MECOM: variants seen among roughly 807,000 people sequenced by gnomAD.
MECOM encodes the protein histone-lysine N-methyltransferase MECOM.
A neutral mutation model predicts 116.3 loss-of-function variants in MECOM; 13 were observed. The ratio of observed to expected loss-of-function variants is 0.11; its 90% CI spans 0.07 to 0.18. The LOEUF is 0.18. MECOM is among the 10% of genes least tolerant of loss of function. MECOM has a pLI of 1.00. For missense variants in MECOM, 1,299 were observed against 1,509.0 expected (o/e 0.86, Z 2.31); for synonymous variants, 528 against 535.2 (o/e 0.99, Z 0.19).
chr3:169,378,474 CAA>C (rs1258755969), intron 2 of MECOM, among the ~76,000 whole-genome samples: 291 of 27,440 alleles, frequency 0.011, 36 homozygotes, highest in African/African-American at 0.026. Flanking sequence ...AGCAAGCAAG[CAA>C]GAAAGAGAGA....
In MECOM at chr3:169,230,066, A is replaced by C. The variant is rs375672476; in HGVS notation, c.376-86234T>G. Among the ~76,000 whole-genome samples, 35 of 152,266 alleles carry C rather than the reference A, an allele frequency of 2.3e-4. No individual in the cohort carries two copies. In the East Asian group the frequency reaches 6.6e-3, roughly 29 times the overall value. ...ATTTAGGGATAATACTTGAATATAC[A>C]AATACTCTCTTTGGATTTACTTCTA... On this transcript the variant is annotated intron_variant, in intron 2 of 16. Transcript: ENST00000651503.
chr3:169,441,889 C>G (rs142716481), intron 1 of MECOM, among the ~76,000 whole-genome samples: 1 of 151,468 alleles, frequency 6.6e-6, no homozygotes, highest in Admixed American at 6.6e-5. Context: ...CACCACCACG[C>G]CTGGCTAATG....
chr3:169,192,801 T>C (rs1010517099), intron 2 of MECOM, among the ~76,000 whole-genome samples: 1 of 152,084 alleles, frequency 6.6e-6, no homozygotes, highest in African/African-American at 2.4e-5. Context: ...CCCTGAATTA[T>C]TGTTACCTAC....
chr3:169,392,300 A>G (rs1734341202), intron 1 of MECOM, among the ~76,000 whole-genome samples: 1 of 152,198 alleles, frequency 6.6e-6, no homozygotes, highest in African/African-American at 2.4e-5. Flanking sequence ...GAAGGATTAA[A>G]CAGATGTCCC....
At chr3:169,454,026 G>T (rs189797980) in intron 1 of MECOM, among the ~76,000 whole-genome samples, 7 of 152,166 alleles carry the variant, frequency 4.6e-5, no homozygotes, top group African/African-American at 9.6e-5. Context: ...CCTGTGCAAG[G>T]TCCCTGTCCA....
intron 1 of MECOM, among the ~76,000 whole-genome samples, chr3:169,656,759 A>G (rs1023803007): frequency 6.6e-6 from 1 of 152,162 alleles, no homozygotes; most frequent in African/African-American, 2.4e-5. Flanking sequence ...TTCTAATAAC[A>G]TTGTATTTTA....
At chr3:169,439,279 A>G (rs1743212546) in intron 1 of MECOM, among the ~76,000 whole-genome samples, 1 of 147,720 alleles carries the variant, frequency 6.8e-6, no homozygotes, top group African/African-American at 2.5e-5. Flanking sequence ...CAAACTAGGA[A>G]AGATATTTAA....
At chr3:169,595,945 A>G (rs111958436) in intron 1 of MECOM, among the ~76,000 whole-genome samples, 1,566 of 152,228 alleles carry the variant, frequency 0.01, 25 homozygotes, top group African/African-American at 0.035. Context: ...TCATATAGTC[A>G]ATTTCAATCA....
chr3:169,288,119 G>T (rs981454918), intron 2 of MECOM, among the ~76,000 whole-genome samples: 3 of 151,958 alleles, frequency 2.0e-5, no homozygotes, highest in Non-Finnish European at 2.9e-5. Flanking sequence ...CCTTAGTCTT[G>T]GGTTCAGAGA....
intron 1 of MECOM, among the ~76,000 whole-genome samples, chr3:169,561,352 AATAG>A (rs1265817374): frequency 6.6e-6 from 1 of 152,124 alleles, no homozygotes; most frequent in Non-Finnish European, 1.5e-5. Context: ...GCAATAGGGA[AATAG>A]ATAAATAAAT....
intron 2 of MECOM, among the ~76,000 whole-genome samples, chr3:169,279,946 A>G (rs1323324138): frequency 1.3e-5 from 2 of 152,342 alleles, no homozygotes; most frequent in Non-Finnish European, 2.9e-5. Context: ...AAAAGGGTCA[A>G]GATTTTTAAA....
intron 1 of MECOM, among the ~76,000 whole-genome samples, chr3:169,588,751 C>G (rs77181074): frequency 3.3e-5 from 5 of 152,110 alleles, no homozygotes; most frequent in Non-Finnish European, 5.9e-5. Flanking sequence ...GTTAATTAAT[C>G]CTGCTTTCCC....
intron 2 of MECOM, among the ~76,000 whole-genome samples, chr3:169,326,802 C>T (rs933832311): frequency 3.3e-5 from 5 of 151,972 alleles, no homozygotes; most frequent in Admixed American, 6.6e-5. Context: ...CTTTTCAGTT[C>T]GTGTTAATTA....
chr3:169,268,812 C>T (rs778818326), intron 2 of MECOM, among the ~76,000 whole-genome samples: 6 of 152,092 alleles, frequency 3.9e-5, no homozygotes, highest in African/African-American at 9.7e-5. Flanking sequence ...ATATTGACTG[C>T]ATAATTGGCC....
At chr3:169,439,955 C>G (rs1400126767) in intron 1 of MECOM, among the ~76,000 whole-genome samples, 1 of 152,008 alleles carries the variant, frequency 6.6e-6, no homozygotes, top group Non-Finnish European at 1.5e-5. Context: ...CAAAAACAAG[C>G]AAAGCCAAAC....
intron 1 of MECOM, among the ~76,000 whole-genome samples, chr3:169,464,436 C>T (rs763821070): frequency 1.5e-4 from 23 of 152,186 alleles, no homozygotes; most frequent in Admixed American, 5.9e-4. Context: ...TCCTTGTTGT[C>T]CATCAGGATG....
At chr3:169,433,273 A>C (rs1030573706) in intron 1 of MECOM, among the ~76,000 whole-genome samples, 1 of 152,126 alleles carries the variant, frequency 6.6e-6, no homozygotes, top group Admixed American at 6.6e-5. Context: ...GTTTGAAACC[A>C]GTCTGCCAAC....
intron 1 of MECOM, among the ~76,000 whole-genome samples, chr3:169,405,129 C>G (rs373808083): frequency 6.6e-6 from 1 of 152,186 alleles, no homozygotes; most frequent in South Asian, 2.1e-4. Context: ...AATGTTCTAT[C>G]GCTGTGCTAG....
chr3:169,648,495 T>G (rs114517442), intron 1 of MECOM, among the ~76,000 whole-genome samples: 55 of 152,366 alleles, frequency 3.6e-4, no homozygotes, highest in African/African-American at 1.3e-3. Flanking sequence ...TGCATCATTA[T>G]CAACAGAATA....
Sources: allele counts gnomAD v4.1 joint callset (sites outside exome capture counted in the v4.1 genomes callset), GRCh38; gene constraint gnomAD v4.1.1; transcripts MANE v1.5; gene names NCBI Gene and HGNC (gene_info 2026-07-23, HGNC 2026-07-21).